The following GPC5 variants were observed in gnomAD, a reference collection of about 807,000 sequenced individuals.
The protein encoded by GPC5 is glypican-5.
A neutral mutation model predicts 53.9 loss-of-function variants in GPC5; 47 were observed. That is an observed-to-expected ratio of 0.87 (90% CI 0.69 to 1.11). The LOEUF (loss-of-function observed/expected upper bound fraction) is 1.11. Ranked by LOEUF, GPC5 falls within the 50% of genes most tolerant of loss-of-function variation. The pLI, the probability that GPC5 is intolerant of heterozygous loss-of-function variation, is 0.00. For synonymous variants in GPC5, 286 were observed against 263.3 expected, an observed-to-expected ratio of 1.09 and a Z score of -0.84; for missense variants, 748 against 713.1, an observed-to-expected ratio of 1.05 and a Z score of -0.56.
chr13:92,145,668 G>A (rs898362879), intron 7 of GPC5, among the ~76,000 whole-genome samples: 3 of 152,084 alleles, frequency 2.0e-5, no homozygotes, highest in Admixed American at 6.6e-5. Context: ...TTATCTGCAT[G>A]CATTTGTTCA....
intron 7 of GPC5, among the ~76,000 whole-genome samples, chr13:92,211,332 C>T (rs1009353546): frequency 1.3e-5 from 2 of 152,138 alleles, no homozygotes; most frequent in Non-Finnish European, 2.9e-5. Flanking sequence ...CTGCCAATTT[C>T]CTATCCAGAA....
intron 7 of GPC5, among the ~76,000 whole-genome samples, chr13:92,464,192 T>C (rs1454625270): frequency 6.6e-6 from 1 of 152,178 alleles, no homozygotes; most frequent in African/African-American, 2.4e-5. Flanking sequence ...CCTCATGCTT[T>C]GGTGCAGACG....
chr13:91,631,364 G>C (rs892998149), intron 2 of GPC5, among the ~76,000 whole-genome samples: 4 of 152,010 alleles, frequency 2.6e-5, no homozygotes, highest in African/African-American at 9.7e-5. Context: ...GTACTGGCAG[G>C]TATACAGAAT....
chr13:91,421,474 T>C (rs1187580103), intron 1 of GPC5, among the ~76,000 whole-genome samples: 1 of 152,176 alleles, frequency 6.6e-6, no homozygotes, highest in African/African-American at 2.4e-5. Flanking sequence ...TTAACTCTCT[T>C]TTTTTCCTTC....
At chr13:91,627,400 T>A (rs1012494087) in intron 2 of GPC5, among the ~76,000 whole-genome samples, 1 of 151,882 alleles carries the variant, frequency 6.6e-6, no homozygotes, top group Non-Finnish European at 1.5e-5. Context: ...TTTTACACTG[T>A]TGGTGGGACT....
rs560503592 is a variant in GPC5 at position 92,198,492 on chromosome 13, G to A, written c.1561+53503G>A. On this transcript the variant is annotated intron_variant, in intron 7 of 7. Coordinates refer to ENST00000377067, the MANE Select transcript of GPC5 (RefSeq NM_004466.6). ...TTGATGACTTATAGTTCAGATATTT[G>A]AATGACCAAATTAGCTCAAATATTA... Among the ~76,000 whole-genome samples the A allele has an allele frequency of 2.0e-5, 3 of 152,100 alleles. No individual in the cohort carries two copies. In the South Asian group the frequency reaches 6.2e-4, roughly 32 times the overall value.
intron 7 of GPC5, among the ~76,000 whole-genome samples, chr13:92,801,538 A>G (rs1876908242): frequency 6.6e-6 from 1 of 151,734 alleles, no homozygotes; most frequent in Non-Finnish European, 1.5e-5. Flanking sequence ...GTTATTTTAG[A>G]GTGTACTCCT....
chr13:92,011,170 C>G (rs1207774762), intron 6 of GPC5, among the ~76,000 whole-genome samples: 1 of 152,224 alleles, frequency 6.6e-6, no homozygotes, highest in East Asian at 1.9e-4. Context: ...ACAGAATGTG[C>G]AAAATATTAC....
chr13:92,337,581 G>A (rs2043333540), intron 7 of GPC5, among the ~76,000 whole-genome samples: 1 of 152,148 alleles, frequency 6.6e-6, no homozygotes, highest in Non-Finnish European at 1.5e-5. Flanking sequence ...AATCAAGACA[G>A]TGTGGTACTG....
At chr13:92,851,022 AC>A (rs1194024977) in intron 7 of GPC5, among the ~76,000 whole-genome samples, 1 of 152,144 alleles carries the variant, frequency 6.6e-6, no homozygotes, top group Admixed American at 6.5e-5. Context: ...GCCTCAGGAA[AC>A]TTACAGACAC....
intron 7 of GPC5, among the ~76,000 whole-genome samples, chr13:92,807,915 A>G (rs1197576962): frequency 6.6e-6 from 1 of 152,066 alleles, no homozygotes; most frequent in Non-Finnish European, 1.5e-5. Flanking sequence ...TAAATGGGCA[A>G]TTGATTTAAA....
chr13:91,575,859 T>A (rs2032112765), intron 2 of GPC5, among the ~76,000 whole-genome samples: 1 of 152,208 alleles, frequency 6.6e-6, no homozygotes, highest in Non-Finnish European at 1.5e-5. Context: ...ATACCAATTA[T>A]GTTTTTAATG....
intron 6 of GPC5, among the ~76,000 whole-genome samples, chr13:91,969,550 C>T (rs1482267685): frequency 6.6e-6 from 1 of 152,004 alleles, no homozygotes; most frequent in East Asian, 1.9e-4. Context: ...AGCTTCTGTA[C>T]ATCAAAGAGA....
intron 7 of GPC5, among the ~76,000 whole-genome samples, chr13:92,146,225 G>A (rs1162410119): frequency 6.6e-6 from 1 of 152,048 alleles, no homozygotes; most frequent in Non-Finnish European, 1.5e-5. Context: ...GTGTTCTTAT[G>A]AGTATTAATA....
At chr13:91,473,993 A>C (rs1403465104) in intron 2 of GPC5, among the ~76,000 whole-genome samples, 1 of 152,166 alleles carries the variant, frequency 6.6e-6, no homozygotes, top group African/African-American at 2.4e-5. Context: ...ATTGTTGCTT[A>C]TATTAAATTT....
intron 7 of GPC5, among the ~76,000 whole-genome samples, chr13:92,160,189 C>T (rs1034776422): frequency 6.6e-6 from 1 of 152,154 alleles, no homozygotes; most frequent in African/African-American, 2.4e-5. Context: ...GGATTATAGG[C>T]ATGAAAGTAT....
intron 7 of GPC5, among the ~76,000 whole-genome samples, chr13:92,223,180 C>T (rs982598967): frequency 6.6e-6 from 1 of 152,242 alleles, no homozygotes; most frequent in East Asian, 1.9e-4. Flanking sequence ...AACGAGTTTA[C>T]ACTTGACCTC....
intron 2 of GPC5, among the ~76,000 whole-genome samples, chr13:91,539,403 A>T (rs891721930): frequency 6.6e-6 from 1 of 152,168 alleles, no homozygotes. Context: ...CTACCTCTCA[A>T]TGAAACTTTA....
intron 6 of GPC5, among the ~76,000 whole-genome samples, chr13:92,139,356 C>T (rs1383229257): frequency 2.6e-5 from 4 of 152,040 alleles, no homozygotes; most frequent in East Asian, 1.9e-4. Context: ...TCTTTTGATA[C>T]GGATGTTTAT....
Sources: gnomAD v4.1 joint callset for allele counts (sites outside exome capture counted in the v4.1 genomes callset) on GRCh38, gnomAD v4.1.1 for gene constraint, MANE v1.5 for transcripts, NCBI Gene and HGNC (gene_info 2026-07-23, HGNC 2026-07-21) for gene names.